GJC1: variants seen among roughly 807,000 people sequenced by gnomAD.
GJC1 encodes gap junction protein gamma 1.
Under a neutral mutation model 29.3 loss-of-function variants are expected in GJC1, and 5 were observed. The observed-to-expected ratio is 0.17, with a 90% CI of 0.09 to 0.36. The LOEUF (loss-of-function observed/expected upper bound fraction) is 0.36, where lower values mean the gene tolerates loss of function less well. Ranked by LOEUF, GJC1 falls within the 10% of genes least tolerant of loss-of-function variation. GJC1 has a pLI of 1.00. For synonymous variants in GJC1, 177 were observed against 183.3 expected (o/e 0.97, Z 0.28); for missense variants, 310 against 496.2 (o/e 0.62, Z 3.56).
chr17:44,812,252 G>A (rs551602621), intron 1 of GJC1, among the ~76,000 whole-genome samples: 1 of 152,222 alleles, frequency 6.6e-6, no homozygotes, highest in East Asian at 1.9e-4. Context: ...TTGAACCAGG[G>A]AGGCAGAGGC....
intron 1 of GJC1, among the ~76,000 whole-genome samples, chr17:44,823,751 G>A (rs541979321): frequency 1.8e-4 from 27 of 148,486 alleles, no homozygotes; most frequent in African/African-American, 5.7e-4. Context: ...TTGTTCTGTC[G>A]CCTAGCCTGG....
intron 1 of GJC1, among the ~76,000 whole-genome samples, chr17:44,818,188 G>C (rs113018610): frequency 0.14 from 21,735 of 151,998 alleles, 1,687 homozygotes; most frequent in African/African-American, 0.2. Flanking sequence ...ACTCCAGCCT[G>C]GGCGACAAGA....
chr17:44,803,872 T>C lies in GJC1; in HGVS notation c.*755A>G, dbSNP rs1450155181. The C allele has an allele frequency of 1.3e-5, 2 of 152,214 alleles. No homozygotes were observed. Among genetic ancestry groups the C allele is most frequent in the Non-Finnish European group, 2.9e-5 (2 of 68,038 alleles). 9.4% of individuals were successfully genotyped at this position (152,214 alleles called of 1,614,324 possible). On this transcript the variant is annotated 3_prime_UTR_variant, in exon 3 of 3. Coordinates refer to ENST00000592524, the MANE Select transcript of GJC1 (RefSeq NM_005497.4). The stretch of plus-strand genomic sequence containing the variant: ...AGGCTTTTGAAAGAACTTTAAGTTA[T>C]ATACATATACCATCAAAGCATATAC...
chr17:44,825,034 C>A (rs1003934734), intron 1 of GJC1, among the ~76,000 whole-genome samples: 2 of 150,672 alleles, frequency 1.3e-5, no homozygotes, highest in African/African-American at 4.9e-5. Flanking sequence ...CAAAACAAGA[C>A]CCTGTCTCTT....
In GJC1 at chr17:44,804,795, C is replaced by G; in HGVS notation, c.1023G>C (p.Glu341Asp). 1 of 1,614,214 alleles carries G rather than the reference C, an allele frequency of 6.2e-7. No homozygotes were observed. The highest frequency in any genetic ancestry group is 8.5e-7 in the Non-Finnish European group (1 of 1,180,042). The change falls in exon 3 of 3, where the codon GAG (glutamate) becomes GAC (aspartate). Residue 341 changes from glutamate to aspartate, a missense_variant. This residue lies in a region of GJC1 where 146 missense variants were observed against 165.0 expected (regional missense o/e 0.88). Transcript: ENST00000592524. ...CCAAGCGTTCCTGAGCCATCCTGAT[C>G]TCCCGCTGCAGAGCCTCCAGGTCAG... ...LPADLEALQR[E>D]IRMAQERLDL...
At chr17:44,823,974 G>A (rs1310389464) in intron 1 of GJC1, among the ~76,000 whole-genome samples, 1 of 151,810 alleles carries the variant, frequency 6.6e-6, no homozygotes, top group African/African-American at 2.4e-5. Flanking sequence ...GCCTCCCAAA[G>A]TGATGGGATT....
At chr17:44,821,311 G>A (rs2050102980) in intron 1 of GJC1, among the ~76,000 whole-genome samples, 2 of 152,148 alleles carry the variant, frequency 1.3e-5, no homozygotes, top group South Asian at 4.1e-4. Context: ...ACAATGCTCA[G>A]TCTAGAAAAA....
rs189707783 is a variant in GJC1, at chr17:44,828,753, T to C, written c.-97+1309A>G. On this transcript the variant is annotated intron_variant, in intron 1 of 2. Transcript: ENST00000592524. Reference sequence around the variant, plus strand: ...CTCACAATATTTTAATCAGGAGCTCTGGAAGTAAGGGTATTTTTCTGTTTT... The same window carrying C: ...CTCACAATATTTTAATCAGGAGCTCCGGAAGTAAGGGTATTTTTCTGTTTT... Among the ~76,000 whole-genome samples the C allele has an allele frequency of 2.4e-3, 370 of 152,278 alleles. 1 individual carries two copies. Among genetic ancestry groups the C allele is most frequent in the African/African-American group, 8.2e-3 (341 of 41,560 alleles).
At chr17:44,826,960 C>T (rs911822535) in intron 1 of GJC1, among the ~76,000 whole-genome samples, 6 of 152,110 alleles carry the variant, frequency 3.9e-5, no homozygotes, top group African/African-American at 1.4e-4. Context: ...TTCAGGTTAA[C>T]GATATCAGCC....
At chr17:44,806,407 T>G (rs1256773118) in intron 2 of GJC1, among the ~76,000 whole-genome samples, 1 of 150,746 alleles carries the variant, frequency 6.6e-6, no homozygotes, top group Non-Finnish European at 1.5e-5. Flanking sequence ...GTTTGTTTTT[T>G]TTTTTTTTTT....
chr17:44,796,227 T>C (rs1373024130), downstream of GJC1, among the ~76,000 whole-genome samples: 2 of 152,220 alleles, frequency 1.3e-5, no homozygotes, highest in East Asian at 3.8e-4. Flanking sequence ...CCATCCTCTA[T>C]GCAGCACTTC....
intron 1 of GJC1, among the ~76,000 whole-genome samples, chr17:44,827,497 G>A (rs1380540344): frequency 2.0e-5 from 3 of 152,128 alleles, no homozygotes; most frequent in East Asian, 3.9e-4. Context: ...AGGAAGGAAG[G>A]ACAGGACAGG....
rs117686828 is a variant in GJC1 at position 44,814,065 on chromosome 17, A to G, written c.-96-6596T>C. The stretch of plus-strand genomic sequence containing the variant: ...TCTGGAATTAACATTTCTAAGCAGA[A>G]TATGTCACTGCCAATTGTGGTCTCA... On this transcript the variant is annotated intron_variant, in intron 1 of 2. Transcript: ENST00000592524. Among the ~76,000 whole-genome samples, 96 of 152,330 alleles carry G rather than the reference A, an allele frequency of 6.3e-4. 2 individuals are homozygous for G. The East Asian group carries it at 0.016, about 25-fold the overall frequency.
chr17:44,830,165 TCTCCTCCAC>T lies in GJC1; in HGVS notation c.-209_-201del, dbSNP rs963087156. 2.0e-5 allele frequency: 3 copies of T among 152,752 alleles called. No individual in the cohort carries two copies. The highest frequency in any genetic ancestry group is 3.9e-4 in the East Asian group (2 of 5,132). 9.5% of individuals were successfully genotyped at this position (152,752 alleles called of 1,614,324 possible). A position where few individuals can be genotyped will look rare whatever the true frequency, so the allele number is the denominator to read the frequency against. The stretch of plus-strand genomic sequence containing the variant: ...CGTCGCCATCGCCTTCACCCTCGCC[TCTCCTCCAC>T]CTCCTCCGCCGCTGCCGCCTTCGCC... On this transcript the variant is annotated 5_prime_UTR_variant, in exon 1 of 3. Transcript: ENST00000592524. The surrounding 1 kb of genome is among the most constrained non-coding windows in gnomAD (Gnocchi z 4.3).
chr17:44,806,779 C>T (rs1032700831), intron 2 of GJC1, among the ~76,000 whole-genome samples: 1 of 151,836 alleles, frequency 6.6e-6, no homozygotes, highest in Non-Finnish European at 1.5e-5. Flanking sequence ...TATAGTTATT[C>T]GGTCCAATCA....
intron 1 of GJC1, among the ~76,000 whole-genome samples, chr17:44,822,369 T>A (rs1207412202): frequency 6.6e-6 from 1 of 151,232 alleles, no homozygotes; most frequent in Non-Finnish European, 1.5e-5. Flanking sequence ...AATTAGGGTG[T>A]GTTGGCTCAT....
chr17:44,805,725 G>A lies in GJC1; in HGVS notation c.93C>T (p.Phe31=). 1 of 1,614,088 alleles carries A rather than the reference G, an allele frequency of 6.2e-7. No individual in the cohort carries two copies. The highest frequency in any genetic ancestry group is 8.5e-7 in the Non-Finnish European group (1 of 1,179,918). Residue 31 remains phenylalanine, a synonymous_variant, in exon 3 of 3, where the codon TTC becomes TTT. Transcript: ENST00000592524. The surrounding 1 kb of genome is among the most constrained non-coding windows in gnomAD (Gnocchi z 5.1). ...GKIWLTVLIV[F]RIVLTAVGGE... is the part of the protein sequence containing the mutation. ...CTCCTACAGCTGTAAGGACGATCCGGAAGACAATCAGAACAGTGAGCCAGA... is the reference window on the plus strand; with the variant it reads ...CTCCTACAGCTGTAAGGACGATCCGAAAGACAATCAGAACAGTGAGCCAGA...
downstream of GJC1, among the ~76,000 whole-genome samples, chr17:44,795,988 G>C (rs1174815250): frequency 6.6e-6 from 1 of 152,228 alleles, no homozygotes; most frequent in Non-Finnish European, 1.5e-5. Flanking sequence ...CTGGAGTCCG[G>C]CCGCTTGGCG....
At chr17:44,820,051 C>T (rs1235146562) in intron 1 of GJC1, among the ~76,000 whole-genome samples, 1 of 151,974 alleles carries the variant, frequency 6.6e-6, no homozygotes, top group Non-Finnish European at 1.5e-5. Context: ...TTTTAATATC[C>T]AGAAGTGGAA....
Sources: allele counts gnomAD v4.1 joint callset (sites outside exome capture counted in the v4.1 genomes callset), GRCh38; gene constraint gnomAD v4.1.1; regional missense constraint gnomAD v4.1.1; non-coding constraint Gnocchi (gnomAD v3.1); transcripts MANE v1.5; gene names NCBI Gene and HGNC (gene_info 2026-07-23, HGNC 2026-07-21).